SMAP2: variants seen among roughly 807,000 people sequenced by gnomAD.
SMAP2 encodes the protein small ArfGAP2.
In SMAP2, 25 loss-of-function variants were observed where a neutral mutation model predicts 56.4. That is an observed-to-expected ratio of 0.44 (90% CI 0.32 to 0.62). The LOEUF (loss-of-function observed/expected upper bound fraction) is 0.62, where lower values mean the gene tolerates loss of function less well. Among genes scored for constraint, SMAP2 ranks in the 20% least tolerant of loss-of-function variants. SMAP2 has a pLI of 0.04. For missense variants in SMAP2, 388 were observed against 545.6 expected (o/e 0.71, Z 2.88); for synonymous variants, 157 against 181.7 (o/e 0.86, Z 1.09).
rs1264856653 is a variant in SMAP2 at position 40,417,103 on chromosome 1, T to C, written c.1164+7T>C. On this transcript the variant is annotated splice_region_variant and intron_variant, in intron 9 of 9. Coordinates refer to ENST00000372718, the MANE Select transcript of SMAP2 (RefSeq NM_022733.3). The stretch of plus-strand genomic sequence containing the variant: ...GCAATGGAACCTTACTCAGGTAAGC[T>C]ACCCCATTTTACTTGCAGCAAGAGT... 5.7e-6 allele frequency: 9 copies of C among 1,586,260 alleles called. No homozygotes were observed. The highest frequency in any genetic ancestry group is 5.4e-5 in the African/African-American group (4 of 74,454).
chr1:40,395,025 T>C (rs1017107114), intron 1 of SMAP2, among the ~76,000 whole-genome samples: 7 of 152,206 alleles, frequency 4.6e-5, no homozygotes, highest in African/African-American at 7.2e-5. Flanking sequence ...TCACTCTTGG[T>C]GTATAGAAGT....
At chr1:40,373,379 T>G (rs893855449), upstream of SMAP2, among the ~76,000 whole-genome samples, 23 of 152,232 alleles carry the variant, frequency 1.5e-4, no homozygotes, top group African/African-American at 5.3e-4. Context: ...AGGATGATCA[T>G]AGGGTCGTTG....
chr1:40,396,332 G>GCC (rs796893153), intron 1 of SMAP2, among the ~76,000 whole-genome samples: 10 of 152,268 alleles, frequency 6.6e-5, no homozygotes, highest in African/African-American at 2.2e-4. Flanking sequence ...CATTGGACAA[G>GCC]CCAGGTGATC....
At chr1:40,347,022 C>CTATTTATT (rs66542909) in intron 1 of SMAP2, among the ~76,000 whole-genome samples, 4,021 of 143,420 alleles carry the variant, frequency 0.028, 194 homozygotes, top group African/African-American at 0.097. Context: ...GCTTAAAAAT[C>CTATTTATT]TATTTATTTA....
intron 1 of SMAP2, among the ~76,000 whole-genome samples, chr1:40,388,174 C>G (rs1407763443): frequency 5.9e-5 from 9 of 152,236 alleles, no homozygotes; most frequent in Non-Finnish European, 1.3e-4. Flanking sequence ...GCCTCCCCAA[C>G]GAGACCGCCC....
intron 1 of SMAP2, among the ~76,000 whole-genome samples, chr1:40,345,194 A>T (rs978414834): frequency 6.6e-6 from 1 of 152,060 alleles, no homozygotes; most frequent in Non-Finnish European, 1.5e-5. Context: ...ACTTGAGACC[A>T]GGAGTTTGAC....
intron 1 of SMAP2, among the ~76,000 whole-genome samples, chr1:40,398,047 G>T (rs1644789419): frequency 6.6e-6 from 1 of 152,100 alleles, no homozygotes; most frequent in Non-Finnish European, 1.5e-5. Context: ...TGCTTACGTT[G>T]TTTTGTTTTT....
intron 1 of SMAP2, among the ~76,000 whole-genome samples, chr1:40,354,767 ATTTTTTTT>A (rs774191085): frequency 4.0e-4 from 27 of 67,326 alleles, no homozygotes; most frequent in East Asian, 3.9e-3. Flanking sequence ...AAAACATTGA[ATTTTTTTT>A]TTTTTTTTTT....
intron 1 of SMAP2, among the ~76,000 whole-genome samples, chr1:40,392,062 A>G (rs1644722376): frequency 6.6e-6 from 1 of 152,220 alleles, no homozygotes; most frequent in Non-Finnish European, 1.5e-5. Flanking sequence ...CTCCCTGCAC[A>G]CCAACTCCAC....
intron 1 of SMAP2, among the ~76,000 whole-genome samples, chr1:40,380,490 T>C (rs960132621): frequency 1.3e-5 from 2 of 151,774 alleles, no homozygotes; most frequent in African/African-American, 4.8e-5. Flanking sequence ...AAATGAACTT[T>C]CCTATCAATT....
At chr1:40,421,693 A>G (rs1481444906) in intron 9 of SMAP2, among the ~76,000 whole-genome samples, 2 of 152,138 alleles carry the variant, frequency 1.3e-5, no homozygotes, top group Admixed American at 6.5e-5. Context: ...GGAAAAAGAG[A>G]GGAACTCATG....
intron 1 of SMAP2, among the ~76,000 whole-genome samples, chr1:40,354,372 G>A (rs1171939366): frequency 2.6e-5 from 4 of 152,080 alleles, no homozygotes; most frequent in Admixed American, 1.3e-4. Flanking sequence ...ATGGAGTCTC[G>A]CTCTGTCGCC....
intron 2 of SMAP2, among the ~76,000 whole-genome samples, chr1:40,407,732 CAT>C (rs1644898788): frequency 6.6e-6 from 1 of 151,948 alleles, no homozygotes; most frequent in African/African-American, 2.4e-5. Context: ...TAAATTTAAA[CAT>C]AATTAACCTT....
Position 40,347,203 on chromosome 1 carries a change from G to A in SMAP2, c.-83+2293G>A, listed in dbSNP as rs1247472594. On this transcript the variant is annotated intron_variant, in intron 1 of 6. Coordinates refer to the SMAP2 transcript ENST00000435168. ...GGACCACAGGTGCACCACCACGCCT[G>A]GCTAATTTGTGTGTGTGTGTGTGTT... Among the ~76,000 whole-genome samples, 4 of 149,078 alleles carry A rather than the reference G, an allele frequency of 2.7e-5. No homozygotes were observed. In the South Asian group the frequency reaches 6.4e-4, roughly 24 times the overall value.
At chr1:40,393,404 G>A (rs1440344030) in intron 1 of SMAP2, 1 of 1,535,664 alleles carries the variant, frequency 6.5e-7, no homozygotes, top group Non-Finnish European at 8.7e-7. Context: ...GAATAGGAAG[G>A]AGAAAAGGCT....
At position 40,396,906 on chromosome 1, in the gene SMAP2, T is replaced by G. The variant is rs547478307; in HGVS notation, c.104-9830T>G. The G allele has an allele frequency of 1.3e-5, 13 of 963,304 alleles. No individual in the cohort carries two copies. In the African/African-American group the frequency reaches 2.3e-4, roughly 17 times the overall value. The allele number at this position is 963,304 out of a possible 1,614,324, so 59.7% of individuals were successfully genotyped here. A position where few individuals can be genotyped will look rare whatever the true frequency, so the allele number is the denominator to read the frequency against. On this transcript the variant is annotated intron_variant, in intron 1 of 9. Transcript: ENST00000372718. ...TGGAACTGAGGTAACTGGCACTAGA[T>G]TTGTTCTTAAAACAAATACTGCTGC...
chr1:40,372,171 A>C (rs1644500434), upstream of SMAP2, among the ~76,000 whole-genome samples: 1 of 152,228 alleles, frequency 6.6e-6, no homozygotes, highest in African/African-American at 2.4e-5. Flanking sequence ...TAATTTAACC[A>C]GATTTAGACT....
intron 4 of SMAP2, 51 bp from the exon 5 acceptor site, chr1:40,412,965 A>G: frequency 3.0e-6 from 4 of 1,346,436 alleles, no homozygotes; most frequent in Non-Finnish European, 4.1e-6. Flanking sequence ...GATTTATCCA[A>G]CTATTAGTCA....
intron 1 of SMAP2, among the ~76,000 whole-genome samples, chr1:40,353,868 G>A (rs1479457109): frequency 1.3e-5 from 2 of 152,094 alleles, no homozygotes; most frequent in South Asian, 4.1e-4. Flanking sequence ...TGGGATTACA[G>A]GTGTGAGCCA....
Sources: allele counts gnomAD v4.1 joint callset (sites outside exome capture counted in the v4.1 genomes callset), GRCh38; gene constraint gnomAD v4.1.1; transcripts MANE v1.5; gene names NCBI Gene and HGNC (gene_info 2026-07-23, HGNC 2026-07-21).